The following SLC3A1 variants were observed in gnomAD, a reference collection of about 807,000 sequenced individuals.
The protein encoded by SLC3A1 is solute carrier family 3 member 1.
In SLC3A1, 78 loss-of-function variants were observed where a neutral mutation model predicts 60.3. That is an observed-to-expected ratio of 1.29 (90% CI 1.08 to 1.56). The LOEUF (loss-of-function observed/expected upper bound fraction) is 1.56, where lower values mean the gene tolerates loss of function less well. Ranked by LOEUF, SLC3A1 falls within the 40% of genes most tolerant of loss-of-function variation. The probability of loss-of-function intolerance (pLI) is 0.00; values close to 1 mark genes in which losing one functional copy is unlikely to be tolerated. For missense variants in SLC3A1, 1,172 were observed against 858.9 expected, an observed-to-expected ratio of 1.36 and a Z score of -4.56; for synonymous variants, 392 against 307.9, an observed-to-expected ratio of 1.27 and a Z score of -2.86.
At chr2:44,281,977 T>G (rs1572791099) in intron 3 of SLC3A1, among the ~76,000 whole-genome samples, 2 of 152,130 alleles carry the variant, frequency 1.3e-5, no homozygotes, top group African/African-American at 4.8e-5. Flanking sequence ...GTTCAAGCAA[T>G]TCTCTTGCCT....
At position 44,315,509 on chromosome 2, in the gene SLC3A1, A is replaced by G. The variant is rs199787039; in HGVS notation, c.1617+1558A>G. ...ACCTTCCCCCTACCCCCGCCAAAAAAAAAAAAAAAGGGAAATTAGCTGGGC... is the reference window on the plus strand; with the variant it reads ...ACCTTCCCCCTACCCCCGCCAAAAAGAAAAAAAAAGGGAAATTAGCTGGGC... On this transcript the variant is annotated intron_variant, in intron 9 of 9. Coordinates refer to ENST00000260649, the MANE Select transcript of SLC3A1 (RefSeq NM_000341.4). Among the ~76,000 whole-genome samples, 31 of 151,560 alleles carry G rather than the reference A, an allele frequency of 2.0e-4. 1 individual carries two copies. In the East Asian group the frequency reaches 6.0e-3, roughly 30 times the overall value.
At chr2:44,305,343 C>A (rs980595292) in intron 7 of SLC3A1, among the ~76,000 whole-genome samples, 2 of 151,926 alleles carry the variant, frequency 1.3e-5, no homozygotes, top group African/African-American at 4.8e-5. Context: ...GTAAGCCCTG[C>A]TGCTTCAAAG....
At chr2:44,286,683 C>A (rs1396865035) in intron 4 of SLC3A1, among the ~76,000 whole-genome samples, 1 of 146,234 alleles carries the variant, frequency 6.8e-6, no homozygotes, top group African/African-American at 2.6e-5. Context: ...TGACGGTGAG[C>A]TGTGCGGTGC....
intron 4 of SLC3A1, among the ~76,000 whole-genome samples, chr2:44,287,017 G>A (rs1671632718): frequency 1.3e-5 from 2 of 152,148 alleles, no homozygotes; most frequent in Non-Finnish European, 2.9e-5. Context: ...TGGAAGATTA[G>A]ATGAGATAAC....
chr2:44,285,485 AGAG>A (rs1395518754), intron 3 of SLC3A1: 3 of 358,014 alleles, frequency 8.4e-6, no homozygotes, highest in Non-Finnish European at 1.1e-5. Flanking sequence ...ATTTCCAGAC[AGAG>A]GAGACCAGCG....
At chr2:44,297,830 T>A (rs1186566744) in intron 4 of SLC3A1, among the ~76,000 whole-genome samples, 3 of 152,172 alleles carry the variant, frequency 2.0e-5, no homozygotes, top group Non-Finnish European at 2.9e-5. Context: ...ACTCCTGGGC[T>A]CAAGCGATCC....
rs1672357145 is a variant in SLC3A1 at position 44,313,822 on chromosome 2, T to A, written c.1501-13T>A. ...CCAAACCACTGTTTTCCCTTTCTGGTCTTTTGACATAGAATACCCTTCGCT... is the reference window on the plus strand; with the variant it reads ...CCAAACCACTGTTTTCCCTTTCTGGACTTTTGACATAGAATACCCTTCGCT... On this transcript the variant is annotated splice_polypyrimidine_tract_variant and intron_variant, in intron 8 of 9. Transcript: ENST00000260649. 42 of 1,595,458 alleles carry A rather than the reference T, an allele frequency of 2.6e-5. No individual in the cohort carries two copies. The East Asian group carries it at 9.4e-4, about 36-fold the overall frequency.
intron 7 of SLC3A1, among the ~76,000 whole-genome samples, chr2:44,310,725 TCTTC>T (rs1376087584): frequency 2.0e-5 from 3 of 152,148 alleles, no homozygotes; most frequent in African/African-American, 7.2e-5. Flanking sequence ...TGACCATTTC[TCTTC>T]CTTCTCTCCT....
chr2:44,317,145 G>A (rs905697329), intron 9 of SLC3A1, among the ~76,000 whole-genome samples: 2 of 152,114 alleles, frequency 1.3e-5, no homozygotes, highest in African/African-American at 4.8e-5. Context: ...TAACCACTGT[G>A]ACTATTACAT....
At chr2:44,285,402 G>A (rs976428991) in intron 3 of SLC3A1, 34 of 258,808 alleles carry the variant, frequency 1.3e-4, no homozygotes, top group African/African-American at 6.6e-4. Flanking sequence ...GGCCCACAGC[G>A]TTGACTTAAG....
chr2:44,322,168 G>A (rs371000532), downstream of SLC3A1, among the ~76,000 whole-genome samples: 153 of 152,282 alleles, frequency 1.0e-3, 4 homozygotes, highest in South Asian at 0.023. Context: ...TCATCAACCT[G>A]CCCTGTGGAA....
Position 44,320,746 on chromosome 2 carries a change from A to G in SLC3A1, c.*107A>G, listed in dbSNP as rs111875587. The G allele has an allele frequency of 1.1e-5, 10 of 896,814 alleles. No individual in the cohort carries two copies. The highest frequency in any genetic ancestry group is 6.6e-5 in the African/African-American group (4 of 60,790). The allele number at this position is 896,814 out of a possible 1,614,324, so 55.6% of individuals were successfully genotyped here. On this transcript the variant is annotated 3_prime_UTR_variant, in exon 10 of 10. Coordinates refer to ENST00000260649, the MANE Select transcript of SLC3A1 (RefSeq NM_000341.4). ...TTGGTGAACAATCATTAATTCTTCG[A>G]TATTTCTGTAGCTTGAATGTAACTG...
chr2:44,313,882 T>G lies in SLC3A1; in HGVS notation c.1548T>G (p.Asn516Lys). ...KSPMQWDNSS[N>K]AGFSEASNTW... ...CAATGCAGTGGGACAATAGTTCAAA[T>G]GCTGGTTTTTCTGAAGCTAGTAACA... The change falls in exon 9 of 10, where the codon AAT becomes AAG. Residue 516 changes from asparagine (N) to lysine (K), a missense_variant. Coordinates refer to ENST00000260649, the MANE Select transcript of SLC3A1 (RefSeq NM_000341.4). 6.2e-7 allele frequency: 1 copy of G among 1,614,154 alleles called. No individual in the cohort carries two copies. Among genetic ancestry groups the G allele is most frequent in the East Asian group, 2.2e-5 (1 of 44,874 alleles).
intron 9 of SLC3A1, chr2:44,315,036 A>G (rs954346838): frequency 1.1e-4 from 15 of 142,624 alleles, no homozygotes; most frequent in African/African-American, 3.9e-4. Context: ...GGTTCAAGCG[A>G]TTCTCCTACC....
Position 44,300,987 on chromosome 2 carries a change from G to C in SLC3A1, c.1012-16G>C. ...TGTATGAAATGAGGGTAACCATGTC[G>C]TCCTGGTTTTCAAAGGACACGGTCA... is the stretch of plus-strand genomic sequence containing the variant. On this transcript the variant is annotated splice_polypyrimidine_tract_variant and intron_variant, in intron 5 of 9. Transcript: ENST00000260649. The C allele has an allele frequency of 1.9e-6, 3 of 1,613,652 alleles. No individual in the cohort carries two copies. The highest frequency in any genetic ancestry group is 1.1e-5 in the South Asian group (1 of 91,052).
chr2:44,304,690 G>A (rs1672107894), intron 7 of SLC3A1, among the ~76,000 whole-genome samples: 2 of 152,002 alleles, frequency 1.3e-5, no homozygotes, highest in African/African-American at 4.8e-5. Context: ...AGCAATTCAG[G>A]GCAACATAAA....
intron 9 of SLC3A1, chr2:44,317,835 C>A: frequency 5.9e-6 from 1 of 169,462 alleles, no homozygotes; most frequent in Admixed American, 6.2e-5. Flanking sequence ...CTAAATAATA[C>A]AATAATTACA....
At chr2:44,304,485 C>T (rs1024290330) in intron 7 of SLC3A1, 147 bp downstream of exon 7, 2 of 700,886 alleles carry the variant, frequency 2.9e-6, no homozygotes, top group Non-Finnish European at 5.1e-6. Context: ...CTGTCACAGC[C>T]TCTGCCAGGT....
intron 2 of SLC3A1, 25 bp downstream of exon 2, chr2:44,280,920 G>A (rs553871892): frequency 3.7e-6 from 6 of 1,602,744 alleles, no homozygotes; most frequent in African/African-American, 2.7e-5. Context: ...AAGTGGGCAA[G>A]ATGGGGATGA....
Sources: gnomAD v4.1 joint callset for allele counts (sites outside exome capture counted in the v4.1 genomes callset) on GRCh38, gnomAD v4.1.1 for gene constraint, MANE v1.5 for transcripts, NCBI Gene and HGNC (gene_info 2026-07-23, HGNC 2026-07-21) for gene names.